SOX6: variants seen among roughly 807,000 people sequenced by gnomAD.
SOX6 encodes transcription factor SOX-6.
Under a neutral mutation model 97.8 loss-of-function variants are expected in SOX6, and 11 were observed. The ratio of observed to expected loss-of-function variants is 0.11; its 90% confidence interval spans 0.07 to 0.19. The LOEUF (loss-of-function observed/expected upper bound fraction) is 0.19, where lower values mean the gene tolerates loss of function less well. Among genes scored for constraint, SOX6 ranks in the 10% least tolerant of loss-of-function variants. SOX6 has a pLI of 1.00. For synonymous variants in SOX6, 360 were observed against 371.4 expected (o/e 0.97, Z 0.35); for missense variants, 810 against 1,039.5 (o/e 0.78, Z 3.04).
At chr11:16,035,705 G>A (rs1183574904) in intron 12 of SOX6, among the ~76,000 whole-genome samples, 4 of 152,196 alleles carry the variant, frequency 2.6e-5, no homozygotes, top group Admixed American at 1.3e-4. Flanking sequence ...TGCCAGGCAT[G>A]TCTAGGAAAT....
chr11:16,487,811 C>A (rs922178762), intron 4 of SOX6, among the ~76,000 whole-genome samples: 1 of 152,112 alleles, frequency 6.6e-6, no homozygotes, highest in Non-Finnish European at 1.5e-5. Flanking sequence ...CAGTACCACG[C>A]CCTCTTAACC....
At chr11:16,489,048 C>A (rs1860475177) in intron 4 of SOX6, among the ~76,000 whole-genome samples, 1 of 152,084 alleles carries the variant, frequency 6.6e-6, no homozygotes, top group African/African-American at 2.4e-5. Context: ...TATATTCACA[C>A]ACTTTTTAAA....
intron 4 of SOX6, among the ~76,000 whole-genome samples, chr11:16,538,837 G>A (rs1270831638): frequency 1.3e-5 from 2 of 152,078 alleles, no homozygotes; most frequent in African/African-American, 4.8e-5. Flanking sequence ...AGACCTTAGA[G>A]ACCTACAAAG....
chr11:16,453,804 A>C (rs552547646), intron 1 of SOX6, among the ~76,000 whole-genome samples: 1 of 152,272 alleles, frequency 6.6e-6, no homozygotes, highest in Admixed American at 6.5e-5. Context: ...CGACATCTTC[A>C]GGTGTTTCCA....
At chr11:16,538,018 T>C (rs555607506) in intron 4 of SOX6, among the ~76,000 whole-genome samples, 1 of 152,032 alleles carries the variant, frequency 6.6e-6, no homozygotes, top group Non-Finnish European at 1.5e-5. Context: ...CCAAGACACA[T>C]AATTTTCAGA....
chr11:16,002,004 A>C (rs1003727144), intron 13 of SOX6, among the ~76,000 whole-genome samples: 11 of 152,198 alleles, frequency 7.2e-5, no homozygotes, highest in Non-Finnish European at 1.6e-4. Flanking sequence ...TATGGAGCCA[A>C]TTGGACATTA....
chr11:16,690,109 T>C (rs143371814), intron 3 of SOX6, among the ~76,000 whole-genome samples: 4 of 152,188 alleles, frequency 2.6e-5, no homozygotes, highest in African/African-American at 9.6e-5. Flanking sequence ...ATTTTTAGTA[T>C]AGGTGGAGTT....
intron 9 of SOX6, among the ~76,000 whole-genome samples, chr11:16,078,207 T>G (rs1359119801): frequency 6.6e-6 from 1 of 152,278 alleles, no homozygotes; most frequent in Non-Finnish European, 1.5e-5. Flanking sequence ...AGAGATTCAG[T>G]TCTCTGAATT....
chr11:16,494,747 C>T (rs1174145426), intron 4 of SOX6, among the ~76,000 whole-genome samples: 1 of 152,104 alleles, frequency 6.6e-6, no homozygotes, highest in East Asian at 1.9e-4. Flanking sequence ...GAGAGACTCC[C>T]CAACATAGGG....
Position 16,146,963 on chromosome 11 carries a change from G to C in SOX6, c.778-35040C>G, listed in dbSNP as rs1161770040. ...AGTGCGGCGATTCCTCAAGGATCCA[G>C]AACTAGAAATACCATTTGACCCAGC... On this transcript the variant is annotated intron_variant, in intron 6 of 15. Transcript: ENST00000683767. 5.9e-5 allele frequency among the ~76,000 whole-genome samples: 9 copies of C among 152,268 alleles called. No homozygotes were observed. The East Asian group carries it at 1.7e-3, about 29-fold the overall frequency.
intron 4 of SOX6, among the ~76,000 whole-genome samples, chr11:16,608,502 G>A (rs892249744): frequency 1.3e-5 from 2 of 151,806 alleles, no homozygotes; most frequent in African/African-American, 4.8e-5. Flanking sequence ...AGAAAAGAAA[G>A]AGATGAAGGA....
chr11:16,068,613 C>T (rs1262871602), intron 9 of SOX6, among the ~76,000 whole-genome samples: 1 of 152,146 alleles, frequency 6.6e-6, no homozygotes, highest in Non-Finnish European at 1.5e-5. Flanking sequence ...GGAAGAACTA[C>T]TACACTCCCA....
chr11:16,065,106 A>G (rs1433247080), intron 9 of SOX6, among the ~76,000 whole-genome samples: 1 of 152,090 alleles, frequency 6.6e-6, no homozygotes, highest in Non-Finnish European at 1.5e-5. Context: ...ATGATCTTAT[A>G]TTTGGAAAAA....
intron 4 of SOX6, among the ~76,000 whole-genome samples, chr11:16,549,294 C>T (rs558385516): frequency 6.6e-6 from 1 of 152,212 alleles, no homozygotes. Flanking sequence ...CTCAGCCTCC[C>T]GAATAGCTGG....
intron 4 of SOX6, among the ~76,000 whole-genome samples, chr11:16,541,981 T>G (rs145972887): frequency 6.6e-6 from 1 of 152,160 alleles, no homozygotes; most frequent in African/African-American, 2.4e-5. Flanking sequence ...CCCAAAGGAT[T>G]ATAAATCATG....
chr11:16,136,186 T>A (rs982449643), intron 6 of SOX6, among the ~76,000 whole-genome samples: 1 of 151,798 alleles, frequency 6.6e-6, no homozygotes, highest in Non-Finnish European at 1.5e-5. Context: ...GCCCAGCTAA[T>A]TTTTTTGTAT....
intron 7 of SOX6, among the ~76,000 whole-genome samples, chr11:16,097,903 T>C (rs943465219): frequency 6.6e-6 from 1 of 151,818 alleles, no homozygotes; most frequent in Non-Finnish European, 1.5e-5. Context: ...AAAACATGAA[T>C]GTGATGTTAA....
At chr11:16,174,826 G>T (rs1425597771) in intron 6 of SOX6, among the ~76,000 whole-genome samples, 1 of 151,924 alleles carries the variant, frequency 6.6e-6, no homozygotes, top group Non-Finnish European at 1.5e-5. Context: ...AAATTGGAAA[G>T]GTTCATTTAC....
intron 4 of SOX6, among the ~76,000 whole-genome samples, chr11:16,587,697 T>C (rs72859488): frequency 0.1 from 15,964 of 152,234 alleles, 904 homozygotes; most frequent in Non-Finnish European, 0.14. Flanking sequence ...TTAATGAAAA[T>C]AGGGGTGTTA....
Sources: gnomAD v4.1 joint callset for allele counts (sites outside exome capture counted in the v4.1 genomes callset) on GRCh38, gnomAD v4.1.1 for gene constraint, MANE v1.5 for transcripts, NCBI Gene and HGNC (gene_info 2026-07-23, HGNC 2026-07-21) for gene names.